Variants in MYH9 observed in about 807,000 individuals in gnomAD.
MYH9 encodes the protein myosin heavy chain 9.
Under a neutral mutation model 241.9 loss-of-function variants are expected in MYH9, and 29 were observed. That is an observed-to-expected ratio of 0.12 (90% CI 0.09 to 0.16). The LOEUF (loss-of-function observed/expected upper bound fraction) is 0.16, where lower values mean the gene tolerates loss of function less well. MYH9 is among the 10% of genes least tolerant of loss of function. The pLI is 1.00. For synonymous variants in MYH9, 1,047 were observed against 1,062.6 expected (o/e 0.99, Z 0.29); for missense variants, 1,803 against 2,595.5 (o/e 0.69, Z 6.63).
chr22:36,382,330 C>T lies in MYH9; in HGVS notation c.-20+5477G>A, dbSNP rs145169352. Among the ~76,000 whole-genome samples the T allele has an allele frequency of 5.6e-3, 851 of 150,930 alleles. 9 individuals carry two copies. The highest frequency in any genetic ancestry group is 5.6e-3 in the Non-Finnish European group (382 of 67,814). On this transcript the variant is annotated intron_variant, in intron 1 of 40. Transcript: ENST00000216181. ...TTTCTATTAAAAATGCAAAAATTAGCTGGGCGTGGTGGCAGGCGCCTGTAA... is the reference window on the plus strand; with the variant it reads ...TTTCTATTAAAAATGCAAAAATTAGTTGGGCGTGGTGGCAGGCGCCTGTAA...
chr22:36,361,947 G>A (rs546648006), intron 1 of MYH9, among the ~76,000 whole-genome samples: 1 of 152,292 alleles, frequency 6.6e-6, no homozygotes, highest in African/African-American at 2.4e-5. Flanking sequence ...GTGTGCGCCT[G>A]TAATCCCAGC....
At position 36,371,770 on chromosome 22, in the gene MYH9, G is replaced by A. The variant is rs1033610247; in HGVS notation, c.-20+16037C>T. Among the ~76,000 whole-genome samples, 4 of 152,082 alleles carry A rather than the reference G, an allele frequency of 2.6e-5. No homozygotes were observed. In the South Asian group the frequency reaches 8.3e-4, roughly 32 times the overall value. Reference sequence around the variant, plus strand: ...GGCTGGTCTCGAACTCCTGACCTCAGGTGATCCGCCCGCCTCGGCCTCCCA... The same window carrying A: ...GGCTGGTCTCGAACTCCTGACCTCAAGTGATCCGCCCGCCTCGGCCTCCCA... On this transcript the variant is annotated intron_variant, in intron 1 of 40. Coordinates refer to ENST00000216181, the MANE Select transcript of MYH9 (RefSeq NM_002473.6).
intron 15 of MYH9, among the ~76,000 whole-genome samples, chr22:36,308,258 T>C (rs143380078): frequency 1.3e-5 from 2 of 151,414 alleles, no homozygotes; most frequent in Non-Finnish European, 2.9e-5. Flanking sequence ...AAACAATTTT[T>C]GCTGTTTTAA....
intron 1 of MYH9, among the ~76,000 whole-genome samples, chr22:36,367,645 A>G (rs961783847): frequency 2.4e-4 from 36 of 152,212 alleles, no homozygotes; most frequent in African/African-American, 8.7e-4. Context: ...CCTGGCCGGC[A>G]GGATGACCTT....
chr22:36,356,514 G>A (rs1228970809), intron 1 of MYH9, among the ~76,000 whole-genome samples: 1 of 140,552 alleles, frequency 7.1e-6, no homozygotes, highest in Non-Finnish European at 1.5e-5. Context: ...CCAGGAGGCA[G>A]AGGTTGCAGT....
chr22:36,327,053 T>A (rs1006631823), intron 4 of MYH9, among the ~76,000 whole-genome samples: 10 of 152,200 alleles, frequency 6.6e-5, no homozygotes, highest in African/African-American at 1.9e-4. Context: ...GGTTTATGGA[T>A]CTCCTTGTTA....
chr22:36,350,949 T>G (rs1342144862), intron 1 of MYH9, among the ~76,000 whole-genome samples: 1 of 152,006 alleles, frequency 6.6e-6, no homozygotes, highest in Non-Finnish European at 1.5e-5. Flanking sequence ...CCCCCTCCCC[T>G]CAGGCCCCTG....
intron 14 of MYH9, among the ~76,000 whole-genome samples, chr22:36,310,010 G>A (rs1209745598): frequency 6.6e-6 from 1 of 152,118 alleles, no homozygotes; most frequent in Non-Finnish European, 1.5e-5. Flanking sequence ...AGCACTTTGG[G>A]AGGCCAAGGC....
In MYH9 at chr22:36,303,836, C is replaced by T. The variant is rs899446960; in HGVS notation, c.2390+159G>A. Among the ~76,000 whole-genome samples the T allele has an allele frequency of 1.7e-4, 26 of 151,468 alleles. 1 individual carries two copies. Among genetic ancestry groups the T allele is most frequent in the African/African-American group, 5.8e-4 (24 of 41,372 alleles). The stretch of plus-strand genomic sequence containing the variant: ...AAAAGAACTGCCCGATTCTACTCCT[C>T]AAAGGTAGAAATCCAGGAACAGGGG... On this transcript the variant is annotated intron_variant, in intron 19 of 40. Transcript: ENST00000216181.
Position 36,318,258 on chromosome 22 carries a change from C to A in MYH9, c.1176G>T (p.Pro392=). ...CGTAATCCCGTCCCACCTTGATGCG[C>A]GGGGTGAGGATTCCTCTGGTGAAAT... The part of the protein sequence containing the change: ...VTDFTRGILT[P]RIKVGRDYVQ... The change falls in exon 11 of 41, where the codon CCG becomes CCT. Residue 392 remains proline, a synonymous_variant. Transcript: ENST00000216181. 6.2e-7 allele frequency: 1 copy of A among 1,613,764 alleles called. No individual in the cohort carries two copies. Among genetic ancestry groups the A allele is most frequent in the South Asian group, 1.1e-5 (1 of 91,080 alleles).
intron 11 of MYH9, 85 bp from the exon 12 acceptor site, chr22:36,316,754 A>G: frequency 1.3e-6 from 2 of 1,545,504 alleles, no homozygotes; most frequent in East Asian, 4.6e-5. Context: ...TTTCACTTTT[A>G]GAGTCCTCCC....
In MYH9 at chr22:36,296,886, G is replaced by C. The variant is rs1444773585; in HGVS notation, c.3229C>G (p.Gln1077Glu). The C allele has an allele frequency of 6.2e-7, 1 of 1,613,338 alleles. No homozygotes were observed. The highest frequency in any genetic ancestry group is 8.5e-7 in the Non-Finnish European group (1 of 1,179,690). ...AGCTCCTCCTCTTTCTTGGCCAGCT[G>C]CATCTTGAGCTCCGCGATCTGGGCC... ...LQAQIAELKM[Q>E]LAKKEEELQA... is the part of the protein sequence containing the mutation. The change falls in exon 25 of 41, where the codon CAG (glutamine) becomes GAG (glutamate). Residue 1077 changes from glutamine (Q) to glutamate (E), a missense_variant. Gln to Glu is a conservative substitution (Grantham distance 29, BLOSUM62 2). Coordinates refer to ENST00000216181, the MANE Select transcript of MYH9 (RefSeq NM_002473.6).
At chr22:36,376,256 C>T (rs978683550) in intron 1 of MYH9, among the ~76,000 whole-genome samples, 4 of 152,036 alleles carry the variant, frequency 2.6e-5, no homozygotes, top group Admixed American at 6.6e-5. Context: ...CCACCGTGTC[C>T]GGCCAGTAAA....
chr22:36,285,293 T>TG lies in MYH9; in HGVS notation c.5310dup (p.Ser1771GlnfsTer21). ...GCATTCTCGTTCTTCTGGGCGTGGC[T>TG]GCGCTCCAGGTTCAGGTCGGTGTTG... is the stretch of plus-strand genomic sequence containing the variant. On this transcript the variant is annotated frameshift_variant, in exon 38 of 41. Transcript: ENST00000216181. LOFTEE classifies it high-confidence loss of function. The surrounding 1 kb of genome is among the most constrained non-coding windows in gnomAD (Gnocchi z 7.0). 6.2e-7 allele frequency: 1 copy of TG among 1,613,184 alleles called. No homozygotes were observed. Among genetic ancestry groups the TG allele is most frequent in the Non-Finnish European group, 8.5e-7 (1 of 1,180,020 alleles).
At chr22:36,362,551 CA>C (rs1007693323) in intron 1 of MYH9, among the ~76,000 whole-genome samples, 3 of 152,118 alleles carry the variant, frequency 2.0e-5, no homozygotes, top group African/African-American at 4.8e-5. Flanking sequence ...TGCAGTGGCA[CA>C]ATCTTGGCTC....
At chr22:36,314,874 C>A (rs1477962045) in intron 12 of MYH9, among the ~76,000 whole-genome samples, 1 of 152,098 alleles carries the variant, frequency 6.6e-6, no homozygotes, top group Non-Finnish European at 1.5e-5. Context: ...GTCTTGAACC[C>A]CTGAGCTCAA....
rs768932693 is a variant in MYH9, at chr22:36,300,269, C to A, written c.2839-5G>T. On this transcript the variant is annotated splice_polypyrimidine_tract_variant and splice_region_variant and intron_variant, in intron 22 of 40. Coordinates refer to ENST00000216181, the MANE Select transcript of MYH9 (RefSeq NM_002473.6). The surrounding 1 kb of genome is among the most constrained non-coding windows in gnomAD (Gnocchi z 5.0). ...CTCCAGCTGCTCCTCAAGCTCCTGC[C>A]GGGGGCCAGAGACACGGTAAGGACA... 1 of 1,612,454 alleles carries A rather than the reference C, an allele frequency of 6.2e-7. No individual in the cohort carries two copies. Among genetic ancestry groups the A allele is most frequent in the Admixed American group, 1.7e-5 (1 of 60,010 alleles).
In MYH9 at chr22:36,306,819, G is replaced by A; in HGVS notation, c.1844-212C>T. ...AGGGGGATGCAAAGGCACTGGGCTT[G>A]TCTCTTGGGGAGCCATGCATCTGCC... On this transcript the variant is annotated intron_variant, in intron 15 of 40. Coordinates refer to ENST00000216181, the MANE Select transcript of MYH9 (RefSeq NM_002473.6). This position sits in a 1 kb window ranked among gnomAD's most constrained non-coding sequence, Gnocchi z 4.1. Among the ~76,000 whole-genome samples the A allele has an allele frequency of 6.6e-6, 1 of 152,200 alleles. No individual in the cohort carries two copies. The highest frequency in any genetic ancestry group is 1.9e-4 in the East Asian group (1 of 5,196).
At chr22:36,334,617 C>T (rs1014882491) in intron 3 of MYH9, among the ~76,000 whole-genome samples, 3 of 152,132 alleles carry the variant, frequency 2.0e-5, no homozygotes, top group Non-Finnish European at 2.9e-5. Context: ...CAAATGGCTG[C>T]CTGGAAGATG....
Sources: gnomAD v4.1 joint callset for allele counts (sites outside exome capture counted in the v4.1 genomes callset) on GRCh38, gnomAD v4.1.1 for gene constraint, Gnocchi (gnomAD v3.1) non-coding constraint, MANE v1.5 for transcripts, NCBI Gene and HGNC (gene_info 2026-07-23, HGNC 2026-07-21) for gene names.